NTM: variants seen among roughly 807,000 people sequenced by gnomAD.
NTM encodes neurotrimin, also known as IgLON family member 2.
A neutral mutation model predicts 42.1 loss-of-function variants in NTM; 13 were observed. The ratio of observed to expected loss-of-function variants is 0.31; its 90% confidence interval spans 0.20 to 0.49. NTM has a LOEUF of 0.49. Ranked by LOEUF, NTM falls within the 20% of genes least tolerant of loss-of-function variation. The pLI, the probability that NTM is intolerant of heterozygous loss-of-function variation, is 0.99. For missense variants in NTM, 373 were observed against 452.8 expected, an observed-to-expected ratio of 0.82 and a Z score of 1.60; for synonymous variants, 187 against 179.2, an observed-to-expected ratio of 1.04 and a Z score of -0.35.
chr11:132,141,001 C>G (rs746648006), intron 2 of NTM: 1 of 152,188 alleles, frequency 6.6e-6, no homozygotes, highest in Non-Finnish European at 1.5e-5. Context: ...AGTTAAAGGG[C>G]CATTTGATAG....
At chr11:132,279,979 T>C (rs561211207) in intron 4 of NTM, among the ~76,000 whole-genome samples, 165 of 152,350 alleles carry the variant, frequency 1.1e-3, no homozygotes, top group Middle Eastern at 3.4e-3. Flanking sequence ...ATATGCCGGT[T>C]ACTGTTGTTG....
chr11:131,793,355 C>T (rs189470995), intron 1 of NTM, among the ~76,000 whole-genome samples: 36 of 152,286 alleles, frequency 2.4e-4, no homozygotes, highest in African/African-American at 7.9e-4. Context: ...ACCCTATCCT[C>T]AGCACTTAAT....
chr11:131,693,031 C>G (rs993821527), intron 1 of NTM, among the ~76,000 whole-genome samples: 2 of 148,812 alleles, frequency 1.3e-5, no homozygotes, highest in African/African-American at 4.9e-5. Flanking sequence ...GACCATCAGC[C>G]AAGACAAGTC....
intron 1 of NTM, among the ~76,000 whole-genome samples, chr11:131,429,392 A>T (rs1321931881): frequency 2.0e-5 from 3 of 152,034 alleles, no homozygotes; most frequent in Admixed American, 1.3e-4. Context: ...CAAGAGACCC[A>T]CTCTACCAGG....
intron 1 of NTM, among the ~76,000 whole-genome samples, chr11:131,820,018 A>G (rs929821017): frequency 1.3e-5 from 2 of 152,212 alleles, no homozygotes; most frequent in Admixed American, 1.3e-4. Context: ...CAAAGCCTTT[A>G]CATGCCAGCC....
intron 2 of NTM, among the ~76,000 whole-genome samples, chr11:132,009,273 A>C (rs1593670867): frequency 6.6e-6 from 1 of 152,078 alleles, no homozygotes; most frequent in Non-Finnish European, 1.5e-5. Flanking sequence ...AAGTGTCCTA[A>C]TTTTCCCTGA....
chr11:131,881,019 T>G (rs570409720), intron 1 of NTM, among the ~76,000 whole-genome samples: 71 of 152,314 alleles, frequency 4.7e-4, no homozygotes, highest in African/African-American at 1.5e-3. Context: ...ACTTTCTGAA[T>G]GTGTGTCTTC....
At chr11:131,560,245 G>A (rs934696669) in intron 1 of NTM, among the ~76,000 whole-genome samples, 1 of 152,074 alleles carries the variant, frequency 6.6e-6, no homozygotes, top group Admixed American at 6.6e-5. Flanking sequence ...AAGGCTAGGA[G>A]GTTTTCCAGC....
intron 1 of NTM, among the ~76,000 whole-genome samples, chr11:131,869,257 G>A (rs906544004): frequency 6.6e-6 from 1 of 152,184 alleles, no homozygotes; most frequent in African/African-American, 2.4e-5. Context: ...GGGAACAGGC[G>A]CAAACTCATA....
intron 4 of NTM, among the ~76,000 whole-genome samples, chr11:132,305,135 T>C (rs539065003): frequency 1.7e-4 from 26 of 152,366 alleles, no homozygotes; most frequent in African/African-American, 6.3e-4. Flanking sequence ...AGTCCAGGAC[T>C]GTCATGCCTC....
chr11:132,237,684 C>T (rs1219093159), intron 4 of NTM, among the ~76,000 whole-genome samples: 1 of 152,158 alleles, frequency 6.6e-6, no homozygotes, highest in East Asian at 1.9e-4. Flanking sequence ...AGGCAGAGGC[C>T]TCAAGCCAAC....
At chr11:131,829,072 C>A (rs2042485961) in intron 1 of NTM, among the ~76,000 whole-genome samples, 1 of 151,122 alleles carries the variant, frequency 6.6e-6, no homozygotes, top group African/African-American at 2.5e-5. Flanking sequence ...ATATAACCTC[C>A]TTAATCACCC....
intron 1 of NTM, among the ~76,000 whole-genome samples, chr11:131,793,627 A>G (rs1486499794): frequency 6.6e-6 from 1 of 152,188 alleles, no homozygotes. Context: ...CTGCTCTGTA[A>G]TAGTTCAGGT....
chr11:131,796,199 G>A (rs1009660924), intron 1 of NTM: 25 of 982,662 alleles, frequency 2.5e-5, no homozygotes, highest in Non-Finnish European at 3.0e-5. Flanking sequence ...AAAAGGTTAA[G>A]GTGGTCAGAA....
intron 1 of NTM, among the ~76,000 whole-genome samples, chr11:131,747,931 T>A (rs1455797369): frequency 2.0e-5 from 3 of 152,182 alleles, no homozygotes; most frequent in Non-Finnish European, 2.9e-5. Context: ...CGTGTCACCA[T>A]GACTGACAAC....
rs1351867413 is a variant in NTM at position 131,632,736 on chromosome 11, G to A, written c.82+261848G>A. 1.4e-4 allele frequency among the ~76,000 whole-genome samples: 19 copies of A among 131,908 alleles called. 2 individuals are homozygous for A. Among genetic ancestry groups the A allele is most frequent in the East Asian group, 4.9e-4 (2 of 4,090 alleles). The allele number at this position is 131,908 out of a possible 152,430, so 86.5% of individuals were successfully genotyped here. ...GTCGCCCAGGCTGGAGTGCAGTGGC[G>A]CGATCTCCACTCACTGCAAGCTCCG... On this transcript the variant is annotated intron_variant, in intron 1 of 8. Coordinates refer to ENST00000683400, the MANE Select transcript of NTM (RefSeq NM_001352005.2).
chr11:131,666,604 T>C (rs2069099183), intron 1 of NTM, among the ~76,000 whole-genome samples: 2 of 152,158 alleles, frequency 1.3e-5, no homozygotes, highest in Admixed American at 1.3e-4. Flanking sequence ...CATCCTGAGA[T>C]GGGAGATGCC....
intron 1 of NTM, among the ~76,000 whole-genome samples, chr11:131,409,004 A>G (rs924659724): frequency 6.6e-6 from 1 of 152,190 alleles, no homozygotes; most frequent in Non-Finnish European, 1.5e-5. Flanking sequence ...TGTGCCAAGC[A>G]CCGTGCCAGG....
At chr11:132,219,452 A>C (rs2084645078) in intron 4 of NTM, among the ~76,000 whole-genome samples, 2 of 152,080 alleles carry the variant, frequency 1.3e-5, no homozygotes, top group Admixed American at 1.3e-4. Flanking sequence ...GAAGTATCTG[A>C]TACTGTAGAT....
Sources: gnomAD v4.1 joint callset for allele counts (sites outside exome capture counted in the v4.1 genomes callset) on GRCh38, gnomAD v4.1.1 for gene constraint, MANE v1.5 for transcripts, NCBI Gene and HGNC (gene_info 2026-07-23, HGNC 2026-07-21) for gene names.